FTO: variants seen among roughly 807,000 people sequenced by gnomAD.
FTO encodes the protein alpha-ketoglutarate-dependent dioxygenase FTO.
In FTO, 47 loss-of-function variants were observed where a neutral mutation model predicts 63.9. The observed-to-expected ratio is 0.74, with a 90% CI of 0.58 to 0.94. The LOEUF is 0.94. Among genes scored for constraint, FTO ranks in the 40% least tolerant of loss-of-function variants. The pLI is 0.00. For missense variants in FTO, 562 were observed against 618.1 expected (o/e 0.91, Z 0.96); for synonymous variants, 207 against 224.4 (o/e 0.92, Z 0.69).
chr16:54,051,584 T>TC (rs1402686026), intron 8 of FTO, among the ~76,000 whole-genome samples: 3 of 152,130 alleles, frequency 2.0e-5, no homozygotes, highest in African/African-American at 2.4e-5. Context: ...TGTATTTTCC[T>TC]CCCCCCTCAG....
At chr16:53,939,445 C>T (rs1407106470) in intron 8 of FTO, among the ~76,000 whole-genome samples, 1 of 152,120 alleles carries the variant, frequency 6.6e-6, no homozygotes, top group East Asian at 1.9e-4. Context: ...AATTGAGGTA[C>T]AAGTCATATA....
intron 8 of FTO, among the ~76,000 whole-genome samples, chr16:53,976,773 T>C (rs1368669915): frequency 6.6e-6 from 1 of 152,146 alleles, no homozygotes; most frequent in African/African-American, 2.4e-5. Flanking sequence ...CTTCACATTC[T>C]CCTTTATTTC....
At chr16:53,940,561 T>C (rs575674371) in intron 8 of FTO, among the ~76,000 whole-genome samples, 1 of 152,360 alleles carries the variant, frequency 6.6e-6, no homozygotes, top group East Asian at 1.9e-4. Context: ...TGGATAGGAA[T>C]GTAGCCTGAT....
chr16:54,056,529 G>A (rs776422150), intron 8 of FTO, among the ~76,000 whole-genome samples: 1 of 152,206 alleles, frequency 6.6e-6, no homozygotes, highest in Non-Finnish European at 1.5e-5. Context: ...GAATAAACTA[G>A]GTTACAAAAG....
Position 53,736,320 on chromosome 16 carries a change from G to A in FTO, c.45+32091G>A, listed in dbSNP as rs192233050. Among the ~76,000 whole-genome samples the A allele has an allele frequency of 1.1e-4, 17 of 150,636 alleles. No individual in the cohort carries two copies. The East Asian group carries it at 1.4e-3, about 12-fold the overall frequency. On this transcript the variant is annotated intron_variant, in intron 1 of 8. Coordinates refer to ENST00000471389, the MANE Select transcript of FTO (RefSeq NM_001080432.3). ...GTCTTTGAAATGCTCAAACCTGCAC[G>A]TTGTGCACATGTACCCTAGGACTTA...
chr16:53,895,926 G>A (rs1276742728), intron 7 of FTO, among the ~76,000 whole-genome samples: 1 of 152,108 alleles, frequency 6.6e-6, no homozygotes, highest in South Asian at 2.1e-4. Flanking sequence ...AACAGCCAGG[G>A]TTTGTGTTTT....
At chr16:54,017,062 T>C (rs754460757) in intron 8 of FTO, among the ~76,000 whole-genome samples, 10 of 152,212 alleles carry the variant, frequency 6.6e-5, no homozygotes, top group Non-Finnish European at 1.5e-4. Context: ...GATGATGCAG[T>C]AAATCATGAG....
intron 4 of FTO, among the ~76,000 whole-genome samples, chr16:53,845,792 A>C (rs950959735): frequency 6.6e-6 from 1 of 152,200 alleles, no homozygotes; most frequent in African/African-American, 2.4e-5. Context: ...TACCAGTCTG[A>C]GACTTTCTCC....
At chr16:54,015,248 C>T (rs1403165809) in intron 8 of FTO, among the ~76,000 whole-genome samples, 1 of 152,106 alleles carries the variant, frequency 6.6e-6, no homozygotes, top group Non-Finnish European at 1.5e-5. Flanking sequence ...TTATGTATTA[C>T]AAAAACAATT....
chr16:53,826,382 C>A lies in FTO; in HGVS notation c.642C>A (p.Tyr214Ter). ...LNFMDPQKMP[Y>*]LKEEPYFGMG... ...TCATGGATCCTCAGAAAATGCCATA[C>A]CTGAAAGAGGAACCTTATTTTGGCA... Residue 214 changes from tyrosine (Y) to a stop codon, truncating the protein, a stop_gained, in exon 3 of 9, where the codon TAC becomes TAA. Transcript: ENST00000471389. LOFTEE classifies it high-confidence loss of function. The A allele has an allele frequency of 6.2e-7, 1 of 1,614,094 alleles. No individual in the cohort carries two copies. Among genetic ancestry groups the A allele is most frequent in the South Asian group, 1.1e-5 (1 of 91,074 alleles).
chr16:53,776,539 A>G (rs1475127053), intron 1 of FTO, among the ~76,000 whole-genome samples: 2 of 152,212 alleles, frequency 1.3e-5, no homozygotes, highest in East Asian at 1.9e-4. Context: ...TTTTGTTTAT[A>G]TGGGTTAAAC....
At chr16:53,958,719 G>A (rs2082993159) in intron 8 of FTO, among the ~76,000 whole-genome samples, 1 of 152,212 alleles carries the variant, frequency 6.6e-6, no homozygotes, top group African/African-American at 2.4e-5. Flanking sequence ...AGCTGCCGAA[G>A]CCAAAGTGAA....
Position 53,870,712 on chromosome 16 carries a change from G to T in FTO, c.896-3074G>T, listed in dbSNP as rs138857961. ...TATGTTATAAACCTCAGAATACATT[G>T]TTATTATTTTGGATTTAAAAAGGCA... On this transcript the variant is annotated intron_variant, in intron 4 of 8. Coordinates refer to ENST00000471389, the MANE Select transcript of FTO (RefSeq NM_001080432.3). Among the ~76,000 whole-genome samples, 942 of 152,062 alleles carry T rather than the reference G, an allele frequency of 6.2e-3. 11 individuals carry two copies. The highest frequency in any genetic ancestry group is 0.021 in the African/African-American group (877 of 41,486).
intron 4 of FTO, among the ~76,000 whole-genome samples, chr16:53,847,866 A>G (rs1483592777): frequency 6.6e-6 from 1 of 152,128 alleles, no homozygotes; most frequent in East Asian, 1.9e-4. Context: ...TAAAATATAC[A>G]TTGGGTCCCT....
intron 8 of FTO, among the ~76,000 whole-genome samples, chr16:54,087,145 A>G (rs962852958): frequency 3.9e-5 from 6 of 152,230 alleles, no homozygotes; most frequent in Non-Finnish European, 2.9e-5. Flanking sequence ...GCCAGGGGCT[A>G]GAATAGTGGA....
chr16:53,898,622 A>G (rs139774322), intron 7 of FTO, among the ~76,000 whole-genome samples: 2 of 152,316 alleles, frequency 1.3e-5, no homozygotes, highest in East Asian at 3.9e-4. Context: ...TAAAAGAAAG[A>G]GTTCACGTGA....
intron 1 of FTO, among the ~76,000 whole-genome samples, chr16:53,747,768 A>G (rs1033192857): frequency 2.2e-4 from 33 of 152,080 alleles, no homozygotes; most frequent in Admixed American, 3.9e-4. Context: ...TTTATCTACT[A>G]TGTTGTCTTC....
intron 8 of FTO, among the ~76,000 whole-genome samples, chr16:54,032,842 C>T (rs1344448284): frequency 1.3e-5 from 2 of 152,024 alleles, no homozygotes. Context: ...TGTCCATGAT[C>T]TCATGGACAG....
intron 6 of FTO, among the ~76,000 whole-genome samples, chr16:53,886,741 A>G (rs141784998): frequency 4.6e-5 from 7 of 152,308 alleles, no homozygotes; most frequent in African/African-American, 1.7e-4. Context: ...CAGGTTACTT[A>G]TTTGAGCCAT....
Sources: allele counts gnomAD v4.1 joint callset (sites outside exome capture counted in the v4.1 genomes callset), GRCh38; gene constraint gnomAD v4.1.1; transcripts MANE v1.5; gene names NCBI Gene and HGNC (gene_info 2026-07-23, HGNC 2026-07-21).